SOS2: variants seen among roughly 807,000 people sequenced by gnomAD.
SOS2 encodes the protein son of sevenless homolog 2.
In SOS2, 65 loss-of-function variants were observed where a neutral mutation model predicts 148.2. That is an observed-to-expected ratio of 0.44 (90% CI 0.36 to 0.54). The LOEUF (loss-of-function observed/expected upper bound fraction) is 0.54. Ranked by LOEUF, SOS2 falls within the 20% of genes least tolerant of loss-of-function variation. The pLI, the probability that SOS2 is intolerant of heterozygous loss-of-function variation, is 0.00. For missense variants in SOS2, 1,341 were observed against 1,590.2 expected, an observed-to-expected ratio of 0.84 and a Z score of 2.67; for synonymous variants, 539 against 537.1, an observed-to-expected ratio of 1.00 and a Z score of -0.05.
intron 5 of SOS2, among the ~76,000 whole-genome samples, chr14:50,185,899 C>G (rs1278579266): frequency 6.6e-6 from 1 of 152,020 alleles, no homozygotes; most frequent in Non-Finnish European, 1.5e-5. Flanking sequence ...CCTCATTTTA[C>G]AAATGAGGAA....
At chr14:50,187,345 C>CT (rs5808541) in intron 5 of SOS2, among the ~76,000 whole-genome samples, 33,343 of 115,142 alleles carry the variant, frequency 0.29, 6,515 homozygotes, top group Non-Finnish European at 0.41. Context: ...ATTATTGTTA[C>CT]TTTTTTTTTT....
At chr14:50,146,144 A>AG (rs1884462529) in intron 14 of SOS2, among the ~76,000 whole-genome samples, 5 of 151,812 alleles carry the variant, frequency 3.3e-5, no homozygotes, top group African/African-American at 1.2e-4. Context: ...CAAAAAAAAA[A>AG]AAAAAAAAAA....
chr14:50,155,099 A>AATGAATAGATATGAATAG (rs1164396860), intron 12 of SOS2, among the ~76,000 whole-genome samples: 4 of 151,092 alleles, frequency 2.6e-5, no homozygotes, highest in Non-Finnish European at 4.4e-5. Context: ...TGAACACATA[A>AATGAATAGATATGAATAG]ATGAATAGAT....
intron 2 of SOS2, among the ~76,000 whole-genome samples, chr14:50,201,532 GAAA>G (rs11342999): frequency 4.4e-5 from 4 of 90,546 alleles, no homozygotes; most frequent in Non-Finnish European, 6.5e-5. Context: ...ACCCCCAACA[GAAA>G]AAAAAAAAAA....
chr14:50,196,547 C>A lies in SOS2; in HGVS notation c.510+3144G>T, dbSNP rs193101516. ...CTAACAATATTTTTGTACCCATTAA[C>A]CATCCCCATTTCCCCCACTCCAGCT... On this transcript the variant is annotated intron_variant, in intron 4 of 22. Transcript: ENST00000216373. Among the ~76,000 whole-genome samples, 318 of 152,148 alleles carry A rather than the reference C, an allele frequency of 2.1e-3. 1 individual carries two copies. The highest frequency in any genetic ancestry group is 7.3e-3 in the African/African-American group (301 of 41,480).
chr14:50,193,341 C>G (rs994694630), intron 4 of SOS2, among the ~76,000 whole-genome samples: 5 of 151,968 alleles, frequency 3.3e-5, no homozygotes, highest in African/African-American at 1.2e-4. Context: ...TGTGCCTGGC[C>G]TTTACCTTTC....
intron 7 of SOS2, among the ~76,000 whole-genome samples, chr14:50,177,947 G>A (rs569241747): frequency 6.6e-6 from 1 of 152,176 alleles, no homozygotes; most frequent in South Asian, 2.1e-4. Flanking sequence ...GTGATGGCCT[G>A]GAAATACAAA....
intron 1 of SOS2, among the ~76,000 whole-genome samples, chr14:50,217,887 A>G (rs9743567): frequency 0.27 from 40,717 of 151,846 alleles, 6,103 homozygotes; most frequent in East Asian, 0.45. Context: ...ACCCGGAGGC[A>G]GAGCTTGCAG....
At chr14:50,188,422 A>C in intron 5 of SOS2, 75 bp downstream of exon 5, 1 of 1,003,902 alleles carries the variant, frequency 1.0e-6, no homozygotes, top group South Asian at 1.4e-5. Context: ...AAATAAAAAA[A>C]AGTGACTATT....
At chr14:50,141,483 T>C (rs964726537) in intron 16 of SOS2, among the ~76,000 whole-genome samples, 4 of 152,048 alleles carry the variant, frequency 2.6e-5, no homozygotes, top group African/African-American at 9.7e-5. Context: ...ATCATGCCAC[T>C]GTACTCCAGC....
At chr14:50,186,753 T>C (rs909844801) in intron 5 of SOS2, among the ~76,000 whole-genome samples, 6 of 152,242 alleles carry the variant, frequency 3.9e-5, no homozygotes, top group African/African-American at 9.6e-5. Context: ...AAGTTCTGAC[T>C]ACTTATGATA....
chr14:50,186,620 TA>T (rs61620791), intron 5 of SOS2, among the ~76,000 whole-genome samples: 25,361 of 136,166 alleles, frequency 0.19, 3,413 homozygotes, highest in African/African-American at 0.4. Flanking sequence ...CATCTATATT[TA>T]AAAAAAAAAA....
intron 6 of SOS2, among the ~76,000 whole-genome samples, chr14:50,182,258 TG>T (rs1566841367): frequency 6.7e-6 from 1 of 149,810 alleles, no homozygotes; most frequent in Non-Finnish European, 1.5e-5. Flanking sequence ...TGGAGTGCAG[TG>T]ACACAATCAT....
chr14:50,153,802 G>A (rs1458557864), intron 12 of SOS2, among the ~76,000 whole-genome samples: 1 of 152,032 alleles, frequency 6.6e-6, no homozygotes, highest in Non-Finnish European at 1.5e-5. Context: ...TAGTAGAGAC[G>A]ACGTTTTACC....
chr14:50,138,144 A>T (rs1198235495), intron 18 of SOS2, among the ~76,000 whole-genome samples: 1 of 143,464 alleles, frequency 7.0e-6, no homozygotes, highest in Non-Finnish European at 1.5e-5. Flanking sequence ...CCCAGCCGAT[A>T]CTTATAGTTA....
At position 50,159,941 on chromosome 14, in the gene SOS2, A is replaced by G. The variant is rs1236969897; in HGVS notation, c.1342T>C (p.Leu448=). The change falls in exon 10 of 23, where the codon TTG becomes CTG. Residue 448 remains leucine, a synonymous_variant. Transcript: ENST00000216373. ...CCNEFIMEGP[L]TRIGAKHERH... ...TCATGTTTGGCACCGATTCTTGTCA[A>G]TGGTCCCTCCATAATGAATTCATTA... 1 of 1,614,038 alleles carries G rather than the reference A, an allele frequency of 6.2e-7. No homozygotes were observed. The highest frequency in any genetic ancestry group is 1.3e-5 in the African/African-American group (1 of 74,922).
At chr14:50,201,465 C>T (rs55641739) in intron 2 of SOS2, among the ~76,000 whole-genome samples, 3,005 of 141,650 alleles carry the variant, frequency 0.021, 71 homozygotes, top group Non-Finnish European at 0.026. Context: ...ACCCAGGAGG[C>T]GGAGGTTGCA....
At chr14:50,200,846 T>C (rs894224695) in intron 3 of SOS2, 107 bp downstream of exon 3, 1 of 957,466 alleles carries the variant, frequency 1.0e-6, no homozygotes, top group Admixed American at 2.0e-5. Flanking sequence ...GAAGTGCACA[T>C]ATACACACTA....
intron 6 of SOS2, among the ~76,000 whole-genome samples, chr14:50,181,930 T>C (rs1324845545): frequency 4.7e-5 from 7 of 149,726 alleles, no homozygotes; most frequent in African/African-American, 1.2e-4. Flanking sequence ...TTAAAATCCA[T>C]AGAAGGTAAA....
Sources: gnomAD v4.1 joint callset for allele counts (sites outside exome capture counted in the v4.1 genomes callset) on GRCh38, gnomAD v4.1.1 for gene constraint, MANE v1.5 for transcripts, NCBI Gene and HGNC (gene_info 2026-07-23, HGNC 2026-07-21) for gene names.